The following LRRTM4 variants were observed in gnomAD, a reference collection of about 807,000 sequenced individuals.
LRRTM4 encodes leucine rich repeat transmembrane neuronal 4.
Under a neutral mutation model 47.6 loss-of-function variants are expected in LRRTM4, and 25 were observed. The observed-to-expected ratio is 0.53, with a 90% confidence interval of 0.38 to 0.73. LRRTM4 has a LOEUF of 0.73. Ranked by LOEUF, LRRTM4 falls within the 30% of genes least tolerant of loss-of-function variation. The pLI is 0.00. For synonymous variants in LRRTM4, 311 were observed against 269.5 expected, an observed-to-expected ratio of 1.15 and a Z score of -1.51; for missense variants, 638 against 713.4, an observed-to-expected ratio of 0.89 and a Z score of 1.20.
intron 3 of LRRTM4, among the ~76,000 whole-genome samples, chr2:77,132,719 G>A (rs1228590986): frequency 1.3e-5 from 2 of 152,192 alleles, no homozygotes; most frequent in South Asian, 2.1e-4. Context: ...ACCCATTCAC[G>A]AGGGCAAAGC....
intron 3 of LRRTM4, among the ~76,000 whole-genome samples, chr2:76,885,412 C>A (rs899640854): frequency 6.6e-6 from 1 of 150,846 alleles, no homozygotes; most frequent in African/African-American, 2.4e-5. Flanking sequence ...AAAATATATG[C>A]AGGATTTGAG....
chr2:77,099,299 T>G (rs548641586), intron 3 of LRRTM4, among the ~76,000 whole-genome samples: 2 of 152,022 alleles, frequency 1.3e-5, no homozygotes, highest in East Asian at 3.9e-4. Flanking sequence ...AATGAATGAA[T>G]TAGACCTATA....
intron 3 of LRRTM4, among the ~76,000 whole-genome samples, chr2:76,830,515 C>CGTGTGTGTGTGTGTGT (rs57566911): frequency 1.4e-5 from 2 of 144,088 alleles, no homozygotes; most frequent in East Asian, 4.2e-4. Context: ...GCAGTGTGTG[C>CGTGTGTGTGTGTGTGT]GTGTGTGTGT....
chr2:77,319,647 T>A (rs1449258018), intron 3 of LRRTM4, among the ~76,000 whole-genome samples: 1 of 152,180 alleles, frequency 6.6e-6, no homozygotes, highest in Non-Finnish European at 1.5e-5. Context: ...ATATCTCAGA[T>A]TTTCTGGCGT....
chr2:76,905,377 A>G (rs928892781), intron 3 of LRRTM4, among the ~76,000 whole-genome samples: 3 of 152,154 alleles, frequency 2.0e-5, no homozygotes, highest in African/African-American at 7.2e-5. Flanking sequence ...GACCAAAAGT[A>G]GATAAAACCA....
chr2:77,136,146 G>C (rs1358315538), intron 3 of LRRTM4, among the ~76,000 whole-genome samples: 1 of 152,080 alleles, frequency 6.6e-6, no homozygotes. Flanking sequence ...TCCCAGCATG[G>C]AGTTTGAGAT....
chr2:76,807,963 TTCTTTC>T (rs1307030127), intron 3 of LRRTM4, among the ~76,000 whole-genome samples: 1 of 151,348 alleles, frequency 6.6e-6, no homozygotes, highest in Non-Finnish European at 1.5e-5. Context: ...CTTTTTCTTT[TTCTTTC>T]CTTCCTTCCC....
chr2:77,452,364 A>G (rs1676291233), intron 3 of LRRTM4, among the ~76,000 whole-genome samples: 1 of 152,220 alleles, frequency 6.6e-6, no homozygotes, highest in African/African-American at 2.4e-5. Flanking sequence ...TGCGGGGAGT[A>G]AAGGAAAAGA....
At chr2:77,032,310 T>C (rs945677726) in intron 3 of LRRTM4, among the ~76,000 whole-genome samples, 6 of 152,164 alleles carry the variant, frequency 3.9e-5, no homozygotes, top group Non-Finnish European at 8.8e-5. Context: ...GAGGTTAGTC[T>C]AATCATCTCA....
chr2:76,774,040 T>C (rs770254480), intron 3 of LRRTM4, among the ~76,000 whole-genome samples: 8 of 152,288 alleles, frequency 5.3e-5, no homozygotes, highest in Non-Finnish European at 8.8e-5. Flanking sequence ...TATATATCTT[T>C]TGACTACCCG....
At chr2:77,346,484 G>C (rs1480279211) in intron 3 of LRRTM4, among the ~76,000 whole-genome samples, 1 of 151,910 alleles carries the variant, frequency 6.6e-6, no homozygotes, top group African/African-American at 2.4e-5. Flanking sequence ...GTGCTGGGGG[G>C]GTCTATGTAC....
intron 3 of LRRTM4, among the ~76,000 whole-genome samples, chr2:77,509,616 C>G (rs929280594): frequency 6.6e-6 from 1 of 152,084 alleles, no homozygotes; most frequent in African/African-American, 2.4e-5. Context: ...GAAAATAATA[C>G]AGCTACATTG....
chr2:77,480,822 G>GTGTGTGTGTGTGTGTGT (rs1222517611), intron 3 of LRRTM4, among the ~76,000 whole-genome samples: 1 of 74,498 alleles, frequency 1.3e-5, no homozygotes, highest in Non-Finnish European at 2.4e-5. Flanking sequence ...GTGTGTGTGT[G>GTGTGTGTGTGTGTGTGT]GAGAGAGAGA....
chr2:76,968,353 T>TAC (rs1259939033), intron 3 of LRRTM4, among the ~76,000 whole-genome samples: 2 of 107,994 alleles, frequency 1.9e-5, no homozygotes, highest in African/African-American at 7.8e-5. Context: ...TATATATATA[T>TAC]ATATATATAT....
intron 3 of LRRTM4, among the ~76,000 whole-genome samples, chr2:77,073,580 G>T (rs1449927801): frequency 1.3e-5 from 2 of 151,984 alleles, no homozygotes; most frequent in African/African-American, 4.8e-5. Flanking sequence ...CTTAGAGAAT[G>T]TGCAACAGTC....
intron 3 of LRRTM4, among the ~76,000 whole-genome samples, chr2:76,942,674 A>ATGTGTG (rs750604219): frequency 0.021 from 2,633 of 123,326 alleles, 81 homozygotes; most frequent in African/African-American, 0.078. Context: ...ACCTCTAGGA[A>ATGTGTG]TCTGTGTGTG....
At chr2:77,043,061 T>C (rs897867047) in intron 3 of LRRTM4, among the ~76,000 whole-genome samples, 2 of 151,766 alleles carry the variant, frequency 1.3e-5, no homozygotes, top group Non-Finnish European at 2.9e-5. Context: ...TCTCCATGGT[T>C]TCGTTAGGCC....
At chr2:77,092,430 G>T (rs1437963575) in intron 3 of LRRTM4, among the ~76,000 whole-genome samples, 1 of 147,718 alleles carries the variant, frequency 6.8e-6, no homozygotes, top group Non-Finnish European at 1.5e-5. Flanking sequence ...CAAGCCACTA[G>T]CCTGCCTCTT....
intron 3 of LRRTM4, among the ~76,000 whole-genome samples, chr2:76,774,060 C>A (rs1021873159): frequency 6.6e-6 from 1 of 151,982 alleles, no homozygotes; most frequent in Non-Finnish European, 1.5e-5. Context: ...GAAAACTTAG[C>A]TACTAATAGC....
Sources: allele counts gnomAD v4.1 joint callset (sites outside exome capture counted in the v4.1 genomes callset), GRCh38; gene constraint gnomAD v4.1.1; transcripts MANE v1.5; gene names NCBI Gene and HGNC (gene_info 2026-07-23, HGNC 2026-07-21).